Variants in GNB1 observed in about 807,000 individuals in gnomAD.
GNB1 encodes G protein subunit beta 1, also known as guanine nucleotide-binding protein G(I)/G(S)/G(T) subunit beta-1.
GNB1 carries 2 observed loss-of-function variants against 42.9 expected under a neutral mutation model. That is an observed-to-expected ratio of 0.05 (90% CI 0.02 to 0.15). The LOEUF is 0.15. Among genes scored for constraint, GNB1 ranks in the 10% least tolerant of loss-of-function variants. GNB1 has a pLI of 1.00. For missense variants in GNB1, 193 were observed against 462.2 expected, an observed-to-expected ratio of 0.42 and a Z score of 5.34; for synonymous variants, 183 against 174.7, an observed-to-expected ratio of 1.05 and a Z score of -0.38.
chr1:1,853,382 A>T (rs1570717313), intron 1 of GNB1, among the ~76,000 whole-genome samples: 1 of 152,310 alleles, frequency 6.6e-6, no homozygotes, highest in Admixed American at 6.5e-5. Context: ...CCAGGGAGTC[A>T]AGTAAGCCTA....
chr1:1,866,954 A>AAAAC (rs758628784), intron 1 of GNB1, among the ~76,000 whole-genome samples: 4 of 151,216 alleles, frequency 2.6e-5, no homozygotes, highest in Non-Finnish European at 4.4e-5. Flanking sequence ...ACTCCATCTC[A>AAAAC]AAACAAACAA....
intron 1 of GNB1, among the ~76,000 whole-genome samples, chr1:1,877,180 A>C (rs1375841393): frequency 6.6e-6 from 1 of 151,644 alleles, no homozygotes; most frequent in African/African-American, 2.4e-5. Context: ...TATGCCTGTA[A>C]TCCCAGCTAC....
intron 3 of GNB1, among the ~76,000 whole-genome samples, chr1:1,822,854 T>C (rs1047606417): frequency 2.6e-5 from 4 of 152,204 alleles, no homozygotes; most frequent in Admixed American, 6.5e-5. Context: ...AAGTCCACTA[T>C]TTGTGAACAA....
At chr1:1,829,743 T>C (rs1004487488) in intron 2 of GNB1, among the ~76,000 whole-genome samples, 4 of 152,152 alleles carry the variant, frequency 2.6e-5, no homozygotes, top group Non-Finnish European at 4.4e-5. Context: ...GCCATCTTTT[T>C]TCTTTTTTTT....
chr1:1,880,382 C>T (rs1355115640), intron 1 of GNB1, among the ~76,000 whole-genome samples: 2 of 152,006 alleles, frequency 1.3e-5, no homozygotes, highest in South Asian at 2.1e-4. Flanking sequence ...AGGCGGATCA[C>T]GAGGTCAGGA....
At chr1:1,854,675 G>A (rs1340800737) in intron 1 of GNB1, among the ~76,000 whole-genome samples, 2 of 152,224 alleles carry the variant, frequency 1.3e-5, no homozygotes, top group Non-Finnish European at 2.9e-5. Context: ...GCGAGGCTGA[G>A]GAAGGAGGAT....
At chr1:1,856,148 A>T (rs1159834716) in intron 1 of GNB1, among the ~76,000 whole-genome samples, 1 of 152,072 alleles carries the variant, frequency 6.6e-6, no homozygotes, top group African/African-American at 2.4e-5. Flanking sequence ...CAGTCTCCTG[A>T]GCAGCCAGGA....
intron 7 of GNB1, among the ~76,000 whole-genome samples, chr1:1,801,887 G>C (rs1646631313): frequency 6.6e-6 from 1 of 152,220 alleles, no homozygotes; most frequent in South Asian, 2.1e-4. Flanking sequence ...ACACAGTTAA[G>C]CTGAAAGGAC....
At chr1:1,870,699 CA>C (rs1649199788) in intron 1 of GNB1, among the ~76,000 whole-genome samples, 1 of 152,156 alleles carries the variant, frequency 6.6e-6, no homozygotes, top group South Asian at 2.1e-4. Context: ...CTTTGGGAGG[CA>C]GAGGTGAGTG....
Position 1,787,110 on chromosome 1 carries a change from C to T in GNB1, c.*10-57G>A, listed in dbSNP as rs187764645. 7.6e-4 allele frequency: 331 copies of T among 436,192 alleles called. 3 individuals carry two copies. The highest frequency in any genetic ancestry group is 7.4e-3 in the South Asian group (249 of 33,456). The allele number at this position is 436,192 out of a possible 1,614,324, so 27.0% of individuals were successfully genotyped here. On this transcript the variant is annotated intron_variant, in intron 11 of 11. Coordinates refer to ENST00000378609, the MANE Select transcript of GNB1 (RefSeq NM_002074.5). The surrounding 1 kb of genome is among the most constrained non-coding windows in gnomAD (Gnocchi z 4.4). ...AAGAGGCAGAGAATCTAAGTGCAGA[C>T]GCACAGCCAGGTCACTGCTCTTCCC...
chr1:1,887,175 G>A, intron 1 of GNB1, among the ~76,000 whole-genome samples: 1 of 152,230 alleles, frequency 6.6e-6, no homozygotes, highest in East Asian at 1.9e-4. Context: ...GTCACAGACA[G>A]TAAGAATGTA....
chr1:1,884,476 T>C (rs1181475310), intron 1 of GNB1, among the ~76,000 whole-genome samples: 3 of 152,238 alleles, frequency 2.0e-5, no homozygotes, highest in East Asian at 3.9e-4. Flanking sequence ...CCTCCCAAAG[T>C]GTTGGGTTTA....
At chr1:1,836,447 A>G (rs2101123309) in intron 2 of GNB1, among the ~76,000 whole-genome samples, 1 of 138,508 alleles carries the variant, frequency 7.2e-6, no homozygotes, top group Non-Finnish European at 1.5e-5. Context: ...GCTGGAGTAC[A>G]GTGGTGTGAT....
At position 1,859,025 on chromosome 1, in the gene GNB1, C is replaced by CT. The variant is rs34852120; in HGVS notation, c.-95-19788dup. Reference sequence around the variant, plus strand: ...CCTTCAATTTATGGGTATTTATTTTCTTTTTTTTTTTTTTGGAGGCAGAGT... The same window carrying CT: ...CCTTCAATTTATGGGTATTTATTTTCTTTTTTTTTTTTTTTGGAGGCAGAGT... On this transcript the variant is annotated intron_variant, in intron 1 of 11. Coordinates refer to ENST00000378609, the MANE Select transcript of GNB1 (RefSeq NM_002074.5). Among the ~76,000 whole-genome samples, 1,165 of 141,566 alleles carry CT rather than the reference C, an allele frequency of 8.2e-3. 15 individuals are homozygous for CT. The highest frequency in any genetic ancestry group is 0.024 in the African/African-American group (924 of 38,886). The allele number at this position is 141,566 out of a possible 152,430, so 92.9% of individuals were successfully genotyped here.
At chr1:1,861,393 A>T (rs1036972281) in intron 1 of GNB1, among the ~76,000 whole-genome samples, 4 of 151,634 alleles carry the variant, frequency 2.6e-5, no homozygotes, top group African/African-American at 9.7e-5. Context: ...GGCTACAGCA[A>T]GTTATGATCC....
intron 1 of GNB1, among the ~76,000 whole-genome samples, chr1:1,881,386 T>C (rs1649837763): frequency 6.6e-6 from 1 of 151,814 alleles, no homozygotes; most frequent in Non-Finnish European, 1.5e-5. Context: ...TAAAACTCTT[T>C]CAGGGCTTCC....
chr1:1,796,978 T>C (rs1053447153), intron 7 of GNB1, among the ~76,000 whole-genome samples: 3 of 151,832 alleles, frequency 2.0e-5, no homozygotes, highest in Non-Finnish European at 2.9e-5. Flanking sequence ...GCCTCAAGGA[T>C]AGAGTGAGTC....
At chr1:1,834,552 G>A (rs1410037694) in intron 2 of GNB1, among the ~76,000 whole-genome samples, 1 of 152,072 alleles carries the variant, frequency 6.6e-6, no homozygotes, top group African/African-American at 2.4e-5. Context: ...ATATGTAACT[G>A]ATGGAGTCTC....
chr1:1,799,988 G>A (rs564678317), intron 7 of GNB1, among the ~76,000 whole-genome samples: 2 of 152,224 alleles, frequency 1.3e-5, no homozygotes, highest in Non-Finnish European at 2.9e-5. Context: ...CAGAAAAGCT[G>A]AACAGAGGTT....
Sources: allele counts gnomAD v4.1 joint callset (sites outside exome capture counted in the v4.1 genomes callset), GRCh38; gene constraint gnomAD v4.1.1; non-coding constraint Gnocchi (gnomAD v3.1); transcripts MANE v1.5; gene names NCBI Gene and HGNC (gene_info 2026-07-23, HGNC 2026-07-21).